COL16A1: variants seen among roughly 807,000 people sequenced by gnomAD.
COL16A1 encodes collagen type XVI alpha 1 chain.
A neutral mutation model predicts 266.3 loss-of-function variants in COL16A1; 189 were observed. That is an observed-to-expected ratio of 0.71 (90% CI 0.63 to 0.80). The LOEUF (loss-of-function observed/expected upper bound fraction) is 0.80. Ranked by LOEUF, COL16A1 falls within the 30% of genes least tolerant of loss-of-function variation. The pLI is 0.00. For synonymous variants in COL16A1, 740 were observed against 782.3 expected (o/e 0.95, Z 0.90); for missense variants, 1,928 against 2,122.4 (o/e 0.91, Z 1.80).
chr1:31,681,229 C>G (rs1643620882), intron 37 of COL16A1, among the ~76,000 whole-genome samples, 162 bp from the exon 38 acceptor site: 2 of 152,244 alleles, frequency 1.3e-5, no homozygotes, highest in Non-Finnish European at 2.9e-5. Context: ...AGGTGCCGGA[C>G]AAGGAAGAAG....
intron 28 of COL16A1, 59 bp downstream of exon 28, chr1:31,686,032 C>A (rs752834826): frequency 6.9e-6 from 11 of 1,603,686 alleles, no homozygotes; most frequent in Non-Finnish European, 9.4e-6. Context: ...TCGAGCAAGA[C>A]GAGTGTCTAT....
Position 31,683,695 on chromosome 1 carries a change from C to G in COL16A1, c.2379+12G>C. ...GCTGAGAGGACAGGCAAAGGCAGGGCTAGAGACTCACCTGGGGTCCCTGGA... is the reference window on the plus strand; with the variant it reads ...GCTGAGAGGACAGGCAAAGGCAGGGGTAGAGACTCACCTGGGGTCCCTGGA... On this transcript the variant is annotated intron_variant, in intron 34 of 70. Transcript: ENST00000373672. 1 of 1,614,014 alleles carries G rather than the reference C, an allele frequency of 6.2e-7. No individual in the cohort carries two copies. The highest frequency in any genetic ancestry group is 8.5e-7 in the Non-Finnish European group (1 of 1,179,960).
rs1642518246 is a variant in COL16A1, at chr1:31,670,089, C to G, written c.3195+513G>C. On this transcript the variant is annotated intron_variant, in intron 49 of 70. Transcript: ENST00000373672. This position sits in a 1 kb window ranked among gnomAD's most constrained non-coding sequence, Gnocchi z 4.5. ...CCCTGCCAAGCAGCAGGGCAGCAAACCTGTGCCAGCCTGCAATGTGAAGCC... is the reference window on the plus strand; with the variant it reads ...CCCTGCCAAGCAGCAGGGCAGCAAAGCTGTGCCAGCCTGCAATGTGAAGCC... 6.5e-6 allele frequency: 1 copy of G among 153,110 alleles called. No homozygotes were observed. Among genetic ancestry groups the G allele is most frequent in the Non-Finnish European group, 1.5e-5 (1 of 68,678 alleles). The allele number at this position is 153,110 out of a possible 1,614,324, so 9.5% of individuals were successfully genotyped here.
At chr1:31,693,810 A>G (rs1233170349) in intron 12 of COL16A1, among the ~76,000 whole-genome samples, 1 of 152,150 alleles carries the variant, frequency 6.6e-6, no homozygotes, top group South Asian at 2.1e-4. Context: ...CCTGTCAGAC[A>G]TATGTGGGCA....
At chr1:31,681,225 C>T (rs1265689121) in intron 37 of COL16A1, among the ~76,000 whole-genome samples, 158 bp from the exon 38 acceptor site, 2 of 152,200 alleles carry the variant, frequency 1.3e-5, no homozygotes, top group African/African-American at 2.4e-5. Context: ...ACTGAGGTGC[C>T]GGACAAGGAA....
rs75640130 is a variant in COL16A1 at position 31,657,178 on chromosome 1, C to T, written c.4021-110G>A. ...AGCCCCCTGTTCCACCCAGAGGCCA[C>T]GATCCTCCAGCCCTCACCCTCTGAC... On this transcript the variant is annotated intron_variant, in intron 64 of 70. Coordinates refer to ENST00000373672, the MANE Select transcript of COL16A1 (RefSeq NM_001856.4). The surrounding 1 kb of genome is among the most constrained non-coding windows in gnomAD (Gnocchi z 6.4). 74,342 of 1,370,024 alleles carry T rather than the reference C, an allele frequency of 0.054. 2,330 individuals are homozygous for T. Among genetic ancestry groups the T allele is most frequent in the Middle Eastern group, 0.085 (371 of 4,368 alleles). The allele number at this position is 1,370,024 out of a possible 1,614,324, so 84.9% of individuals were successfully genotyped here.
chr1:31,660,339 G>A (rs1323575138), intron 62 of COL16A1, among the ~76,000 whole-genome samples: 1 of 152,158 alleles, frequency 6.6e-6, no homozygotes, highest in African/African-American at 2.4e-5. Flanking sequence ...AGCCTGGCAT[G>A]GCACAGGGGC....
rs569873845 is a variant in COL16A1, at chr1:31,691,417, C to G, written c.1398G>C (p.Pro466=). 2 of 1,608,818 alleles carry G rather than the reference C, an allele frequency of 1.2e-6. No homozygotes were observed. The highest frequency in any genetic ancestry group is 1.1e-5 in the South Asian group (1 of 90,568). Residue 466 remains proline (P), a splice_region_variant and synonymous_variant, in exon 19 of 71, where the codon CCG becomes CCC. Transcript: ENST00000373672. ...GPPGIGLPGT[P]GDPGGPPGPK... is the part of the protein sequence containing the mutation. ...GCAGGAGAAGCAAGGGGGTACTCAC[C>G]GGGGTCCCAGGCAGTCCTATCCCAG...
intron 11 of COL16A1, among the ~76,000 whole-genome samples, chr1:31,694,562 G>T (rs1382230787): frequency 1.3e-5 from 2 of 152,180 alleles, no homozygotes; most frequent in Non-Finnish European, 2.9e-5. Context: ...AAGTCAGGGG[G>T]CTTAGAGCTG....
Position 31,656,923 on chromosome 1 carries a change from A to T in COL16A1, c.4056+110T>A. 6.8e-7 allele frequency: 1 copy of T among 1,473,232 alleles called. No individual in the cohort carries two copies. Among genetic ancestry groups the T allele is most frequent in the Non-Finnish European group, 9.5e-7 (1 of 1,056,518 alleles). The allele number at this position is 1,473,232 out of a possible 1,614,324, so 91.3% of individuals were successfully genotyped here. On this transcript the variant is annotated intron_variant, in intron 65 of 70. Coordinates refer to ENST00000373672, the MANE Select transcript of COL16A1 (RefSeq NM_001856.4). The surrounding 1 kb of genome is among the most constrained non-coding windows in gnomAD (Gnocchi z 4.2). ...ACAACAGGGTTAACAATTTCCAGAG[A>T]CAGCCCGTACATAGAAGGAATGTTT... is the stretch of plus-strand genomic sequence containing the variant.
At chr1:31,655,016 C>T (rs1570324792) in intron 67 of COL16A1, among the ~76,000 whole-genome samples, 158 bp from the exon 68 acceptor site, 1 of 114,724 alleles carries the variant, frequency 8.7e-6, no homozygotes, top group African/African-American at 3.2e-5. Context: ...CAGAGTCTCA[C>T]TTTGTCACCC....
chr1:31,684,042 G>A (rs761787685), intron 32 of COL16A1, 39 bp from the exon 33 acceptor site: 1 of 1,614,076 alleles, frequency 6.2e-7, no homozygotes, highest in South Asian at 1.1e-5. Flanking sequence ...CCCCACAGGA[G>A]AAAGGGGGAC....
chr1:31,672,565 A>G, intron 46 of COL16A1, 31 bp downstream of exon 46: 1 of 1,612,224 alleles, frequency 6.2e-7, no homozygotes, highest in Non-Finnish European at 8.5e-7. Context: ...GGCATGGGGC[A>G]TGATCGGGGG....
rs189476875 is a variant in COL16A1 at position 31,672,835 on chromosome 1, G to A, written c.2865C>T (p.Ile955=). The A allele has an allele frequency of 8.1e-4, 1,315 of 1,613,862 alleles. 19 individuals are homozygous for A. In the East Asian group the frequency reaches 0.024, roughly 30 times the overall value. ...TCTGCCCCTGGACACAGTCCCCGCAGATACTCTGATCAGGGAGTGGGGAGA... is the reference window on the plus strand; with the variant it reads ...TCTGCCCCTGGACACAGTCCCCGCAAATACTCTGATCAGGGAGTGGGGAGA... ...LPIEQHLLKS[I]CGDCVQGQRA... Residue 955 remains isoleucine (I), a synonymous_variant, in exon 45 of 71, where the codon ATC becomes ATT. Transcript: ENST00000373672.
At position 31,696,085 on chromosome 1, in the gene COL16A1, T is replaced by G; in HGVS notation, c.918+3A>C. On this transcript the variant is annotated splice_donor_region_variant and intron_variant, in intron 9 of 70. Transcript: ENST00000373672. ...AGGCTCCTCCCCCCACCCCCACCTC[T>G]ACCTTTGCTCCCCTTTCTGCCTTCT... The G allele has an allele frequency of 5.3e-6, 6 of 1,121,778 alleles. No individual in the cohort carries two copies. Among genetic ancestry groups the G allele is most frequent in the Non-Finnish European group, 8.0e-6 (6 of 752,476 alleles). 69.5% of individuals were successfully genotyped at this position (1,121,778 alleles called of 1,614,324 possible). A position where few individuals can be genotyped will look rare whatever the true frequency, so the allele number is the denominator to read the frequency against.
chr1:31,656,823 TAAAAAAA>T lies in COL16A1; in HGVS notation c.4056+203_4056+209del, dbSNP rs58530152. ...TTTCTTTTTGACCAGGTACAGGGTT[TAAAAAAA>T]AAAAAAAAAAGGTAAAACAAATCTC... On this transcript the variant is annotated intron_variant, in intron 65 of 70. Transcript: ENST00000373672. This position sits in a 1 kb window ranked among gnomAD's most constrained non-coding sequence, Gnocchi z 4.2. 1 of 480,064 alleles carries T rather than the reference TAAAAAAA, an allele frequency of 2.1e-6. No individual in the cohort carries two copies. Among genetic ancestry groups the T allele is most frequent in the Non-Finnish European group, 3.6e-6 (1 of 275,410 alleles). The allele number at this position is 480,064 out of a possible 1,614,324, so 29.7% of individuals were successfully genotyped here.
At chr1:31,700,139 C>A in intron 2 of COL16A1, 24 bp from the exon 3 acceptor site, 12 of 1,613,042 alleles carry the variant, frequency 7.4e-6, no homozygotes, top group Non-Finnish European at 1.0e-5. Flanking sequence ...GGCAGGGGGG[C>A]ATTAGGTGCG....
chr1:31,683,878 C>T (rs1003844771), intron 33 of COL16A1, 72 bp downstream of exon 33: 3 of 1,609,672 alleles, frequency 1.9e-6, no homozygotes, highest in Admixed American at 1.7e-5. Flanking sequence ...AGGCCCACTG[C>T]CCCCATGGAT....
At position 31,683,473 on chromosome 1, in the gene COL16A1, C is replaced by T; in HGVS notation, c.2380-104G>A. The T allele has an allele frequency of 3.7e-6, 6 of 1,601,832 alleles. No homozygotes were observed. In the South Asian group the frequency reaches 6.6e-5, roughly 18 times the overall value. ...TGGTCTGGGTGGGGTATCTGCCAGCCCAAATTCAGAAGAGCTCCCCAAGGA... is the reference window on the plus strand; with the variant it reads ...TGGTCTGGGTGGGGTATCTGCCAGCTCAAATTCAGAAGAGCTCCCCAAGGA... On this transcript the variant is annotated intron_variant, in intron 34 of 70. Transcript: ENST00000373672.
Sources: gnomAD v4.1 joint callset for allele counts (sites outside exome capture counted in the v4.1 genomes callset) on GRCh38, gnomAD v4.1.1 for gene constraint, Gnocchi (gnomAD v3.1) non-coding constraint, MANE v1.5 for transcripts, NCBI Gene and HGNC (gene_info 2026-07-23, HGNC 2026-07-21) for gene names.